Variants in MAGI1 observed in about 807,000 individuals in gnomAD.
The protein encoded by MAGI1 is membrane-associated guanylate kinase, WW and PDZ domain-containing protein 1.
In MAGI1, 58 loss-of-function variants were observed where a neutral mutation model predicts 139.9. That is an observed-to-expected ratio of 0.41 (90% CI 0.34 to 0.52). The LOEUF is 0.52. MAGI1 is among the 20% of genes least tolerant of loss of function. The pLI, the probability that MAGI1 is intolerant of heterozygous loss-of-function variation, is 0.12. For synonymous variants in MAGI1, 812 were observed against 737.9 expected (o/e 1.10, Z -1.63); for missense variants, 1,874 against 1,901.6 (o/e 0.99, Z 0.27).
intron 1 of MAGI1, among the ~76,000 whole-genome samples, chr3:65,880,019 G>C (rs761547329): frequency 4.6e-5 from 7 of 152,198 alleles, no homozygotes; most frequent in Non-Finnish European, 1.0e-4. Context: ...CCAGCACTTT[G>C]GGAGGCCGAA....
chr3:65,840,610 C>T (rs2058771291), intron 1 of MAGI1, among the ~76,000 whole-genome samples: 1 of 151,968 alleles, frequency 6.6e-6, no homozygotes, highest in African/African-American at 2.4e-5. Flanking sequence ...TACAATACAC[C>T]CTTCTTGGTC....
chr3:65,558,233 C>A (rs1004818391), intron 2 of MAGI1, among the ~76,000 whole-genome samples: 1 of 152,156 alleles, frequency 6.6e-6, no homozygotes, highest in Non-Finnish European at 1.5e-5. Context: ...TAAACGTTTC[C>A]ATTTTTAATT....
intron 1 of MAGI1, among the ~76,000 whole-genome samples, chr3:65,824,677 T>A (rs2042130558): frequency 6.6e-6 from 1 of 152,194 alleles, no homozygotes; most frequent in South Asian, 2.1e-4. Flanking sequence ...CATTCCCTCC[T>A]TAAGTTGTCT....
intron 1 of MAGI1, among the ~76,000 whole-genome samples, chr3:65,811,327 C>T (rs1048340425): frequency 5.3e-5 from 8 of 152,192 alleles, no homozygotes; most frequent in Non-Finnish European, 8.8e-5. Context: ...AGACTAGTGT[C>T]TAAATGTTGG....
intron 1 of MAGI1, among the ~76,000 whole-genome samples, chr3:65,894,671 T>C (rs2060900059): frequency 6.6e-6 from 1 of 152,200 alleles, no homozygotes; most frequent in African/African-American, 2.4e-5. Flanking sequence ...CCTAGGACAG[T>C]GGTGCAAACC....
At chr3:65,764,935 T>G (rs932226741) in intron 1 of MAGI1, among the ~76,000 whole-genome samples, 1 of 152,204 alleles carries the variant, frequency 6.6e-6, no homozygotes, top group Non-Finnish European at 1.5e-5. Context: ...GACTATGTAC[T>G]AATTTTCTGG....
intron 2 of MAGI1, among the ~76,000 whole-genome samples, chr3:65,536,272 T>C (rs2078955603): frequency 6.6e-6 from 1 of 152,192 alleles, no homozygotes; most frequent in Non-Finnish European, 1.5e-5. Flanking sequence ...TAATAACTCC[T>C]AGCATACTAT....
intron 1 of MAGI1, among the ~76,000 whole-genome samples, chr3:65,643,532 C>T (rs901143264): frequency 3.9e-5 from 6 of 152,024 alleles, no homozygotes; most frequent in African/African-American, 1.4e-4. Context: ...AAAAGGCAGA[C>T]CAACTAGGAA....
At chr3:66,025,086 G>GT (rs1263598807) in intron 1 of MAGI1, among the ~76,000 whole-genome samples, 1 of 152,172 alleles carries the variant, frequency 6.6e-6, no homozygotes, top group Admixed American at 6.5e-5. Flanking sequence ...TCGCTAAAAT[G>GT]TATGTATGAG....
intron 1 of MAGI1, among the ~76,000 whole-genome samples, chr3:65,734,359 C>CT (rs891364995): frequency 4.0e-5 from 6 of 151,338 alleles, no homozygotes; most frequent in Admixed American, 2.6e-4. Context: ...ACTTTGGAGA[C>CT]TGAGGCAGGA....
chr3:65,537,798 T>C (rs1234579782), intron 2 of MAGI1, among the ~76,000 whole-genome samples: 1 of 152,108 alleles, frequency 6.6e-6, no homozygotes, highest in African/African-American at 2.4e-5. Flanking sequence ...ATTACACATT[T>C]AAAGAGAAAG....
chr3:65,410,428 G>A (rs1014608385), intron 12 of MAGI1, among the ~76,000 whole-genome samples: 2 of 152,178 alleles, frequency 1.3e-5, no homozygotes, highest in African/African-American at 4.8e-5. Context: ...GGGATACTTG[G>A]TCTAAAACCA....
At chr3:65,973,406 C>T (rs1166753772) in intron 1 of MAGI1, among the ~76,000 whole-genome samples, 1 of 152,046 alleles carries the variant, frequency 6.6e-6, no homozygotes, top group African/African-American at 2.4e-5. Flanking sequence ...TAATAAGATA[C>T]ACCATTTAAA....
At chr3:65,798,419 C>G (rs2040291771) in intron 1 of MAGI1, among the ~76,000 whole-genome samples, 3 of 152,126 alleles carry the variant, frequency 2.0e-5, no homozygotes, top group African/African-American at 7.2e-5. Context: ...TCATCAGGAC[C>G]CATGGAGCAG....
intron 1 of MAGI1, among the ~76,000 whole-genome samples, chr3:65,816,924 A>AT (rs1214440701): frequency 6.6e-6 from 1 of 152,230 alleles, no homozygotes; most frequent in Non-Finnish European, 1.5e-5. Context: ...AGTACTTCAA[A>AT]TATCTATTCA....
chr3:65,721,818 G>A (rs2033062959), intron 1 of MAGI1, among the ~76,000 whole-genome samples: 1 of 149,166 alleles, frequency 6.7e-6, no homozygotes, highest in African/African-American at 2.5e-5. Flanking sequence ...GTTTCTGTTT[G>A]TATGTTTTGT....
At chr3:65,683,995 T>G (rs1232422634) in intron 1 of MAGI1, among the ~76,000 whole-genome samples, 1 of 140,806 alleles carries the variant, frequency 7.1e-6, no homozygotes, top group African/African-American at 2.7e-5. Context: ...AGAGAGCCCA[T>G]GTCTACAAAA....
chr3:65,714,573 G>A (rs1052919497), intron 1 of MAGI1, among the ~76,000 whole-genome samples: 2 of 152,024 alleles, frequency 1.3e-5, no homozygotes, highest in African/African-American at 4.8e-5. Context: ...TCTGACCCAA[G>A]AGTCTCATGT....
intron 2 of MAGI1, among the ~76,000 whole-genome samples, chr3:65,607,819 C>A (rs938591793): frequency 2.6e-5 from 4 of 152,052 alleles, no homozygotes; most frequent in African/African-American, 4.8e-5. Context: ...CGGCTTACTG[C>A]GTATTATGCA....
Sources: allele counts gnomAD v4.1 joint callset (sites outside exome capture counted in the v4.1 genomes callset), GRCh38; gene constraint gnomAD v4.1.1; transcripts MANE v1.5; gene names NCBI Gene and HGNC (gene_info 2026-07-23, HGNC 2026-07-21).